CCNY: variants seen among roughly 807,000 people sequenced by gnomAD.
CCNY encodes the protein cyclin Y, also known as cyclin-Y.
Under a neutral mutation model 42.8 loss-of-function variants are expected in CCNY, and 19 were observed. The observed-to-expected ratio is 0.44, with a 90% confidence interval of 0.31 to 0.65. CCNY has a LOEUF of 0.65. Ranked by LOEUF, CCNY falls within the 30% of genes least tolerant of loss-of-function variation. CCNY has a pLI of 0.07. For missense variants in CCNY, 370 were observed against 437.3 expected, an observed-to-expected ratio of 0.85 and a Z score of 1.37; for synonymous variants, 165 against 162.7, an observed-to-expected ratio of 1.01 and a Z score of -0.11.
At chr10:35,267,918 T>C (rs1471865505) in intron 3 of CCNY, among the ~76,000 whole-genome samples, 1 of 152,124 alleles carries the variant, frequency 6.6e-6, no homozygotes, top group Non-Finnish European at 1.5e-5. Flanking sequence ...ATACTTCAGT[T>C]CTTATCTTCT....
Position 35,516,526 on chromosome 10 carries a change from C to A in CCNY, c.268C>A (p.Pro90Thr), listed in dbSNP as rs935527733. The change falls in exon 4 of 10, where the codon CCT becomes ACT. Residue 90 changes from proline (P) to threonine (T), a missense_variant. Transcript: ENST00000374704. Reference sequence around the variant, plus strand: ...TCTTCTTGCTGTTGTTTTCTAGCATCCTCCAGGACAAATAGCAAGGAAATA... The same window carrying A: ...TCTTCTTGCTGTTGTTTTCTAGCATACTCCAGGACAAATAGCAAGGAAATA... ...KRKSLFINHHPPGQIARKYSS... is the reference protein window; with the variant it reads ...KRKSLFINHHTPGQIARKYSS... 1 of 1,610,948 alleles carries A rather than the reference C, an allele frequency of 6.2e-7. No homozygotes were observed. Among genetic ancestry groups the A allele is most frequent in the East Asian group, 2.2e-5 (1 of 44,846 alleles).
chr10:35,495,579 T>C (rs1839988291), intron 2 of CCNY, among the ~76,000 whole-genome samples: 1 of 152,248 alleles, frequency 6.6e-6, no homozygotes, highest in Non-Finnish European at 1.5e-5. Context: ...GATTTCACTT[T>C]GAATGCACAG....
At position 35,337,173 on chromosome 10, in the gene CCNY, C is replaced by T. The variant is rs1261920079; in HGVS notation, c.120C>T (p.Asn40=). 3 of 1,572,588 alleles carry T rather than the reference C, an allele frequency of 1.9e-6. No homozygotes were observed. Among genetic ancestry groups the T allele is most frequent in the South Asian group, 2.3e-5 (2 of 85,510 alleles). The change falls in exon 1 of 10, where the codon AAC becomes AAT. Residue 40 remains asparagine, a synonymous_variant. Coordinates refer to ENST00000374704, the MANE Select transcript of CCNY (RefSeq NM_145012.6). ...TDLSREDTGC[N]LQHISDRENI... ...TGAGCCGCGAGGACACGGGCTGCAACCTGCAGCACATCAGCGACCGGGAGA... is the reference window on the plus strand; with the variant it reads ...TGAGCCGCGAGGACACGGGCTGCAATCTGCAGCACATCAGCGACCGGGAGA...
At chr10:35,353,893 A>G (rs1836482521) in intron 1 of CCNY, among the ~76,000 whole-genome samples, 1 of 152,218 alleles carries the variant, frequency 6.6e-6, no homozygotes, top group Admixed American at 6.5e-5. Context: ...AGTTTTTGTG[A>G]GTCAGGACTC....
At chr10:35,391,828 C>T (rs930856311) in intron 1 of CCNY, among the ~76,000 whole-genome samples, 7 of 152,070 alleles carry the variant, frequency 4.6e-5, no homozygotes, top group African/African-American at 1.4e-4. Flanking sequence ...CTGTTATCCC[C>T]CTCCTACTCC....
intron 1 of CCNY, among the ~76,000 whole-genome samples, chr10:35,368,043 A>G (rs1383045759): frequency 6.6e-6 from 1 of 152,222 alleles, no homozygotes. Context: ...ATGCTAGGAA[A>G]CTTTTGAAAG....
rs142136949 is a variant in CCNY, at chr10:35,563,360, T to C, written c.747-2663T>C. ...AGCTTCCTCTTGACTTTGCTCGTAG[T>C]GTCTGCCTCCATCTGGAACCATGGT... On this transcript the variant is annotated intron_variant, in intron 8 of 9. Coordinates refer to ENST00000374704, the MANE Select transcript of CCNY (RefSeq NM_145012.6). Among the ~76,000 whole-genome samples, 5 of 152,328 alleles carry C rather than the reference T, an allele frequency of 3.3e-5. No homozygotes were observed. The East Asian group carries it at 5.8e-4, about 18-fold the overall frequency.
intron 1 of CCNY, among the ~76,000 whole-genome samples, chr10:35,408,838 G>GT (rs1481531300): frequency 2.0e-5 from 3 of 152,062 alleles, no homozygotes; most frequent in African/African-American, 7.2e-5. Context: ...TGAAGATGGG[G>GT]TAAGCAGAGG....
At chr10:35,395,903 T>G (rs1837514429) in intron 1 of CCNY, among the ~76,000 whole-genome samples, 1 of 152,064 alleles carries the variant, frequency 6.6e-6, no homozygotes, top group South Asian at 2.1e-4. Flanking sequence ...ACTCACCCTT[T>G]GCGGAGGTTT....
At chr10:35,566,500 C>G in intron 9 of CCNY, among the ~76,000 whole-genome samples, 1 of 152,140 alleles carries the variant, frequency 6.6e-6, no homozygotes, top group East Asian at 1.9e-4. Flanking sequence ...TGCCACCACA[C>G]CCGGTTGATT....
intron 3 of CCNY, among the ~76,000 whole-genome samples, chr10:35,288,249 T>C (rs1835376648): frequency 6.6e-6 from 1 of 152,168 alleles, no homozygotes; most frequent in South Asian, 2.1e-4. Flanking sequence ...AACACATATA[T>C]GTTCTCTAAA....
chr10:35,524,342 G>C (rs1564445565), intron 4 of CCNY, among the ~76,000 whole-genome samples: 1 of 152,320 alleles, frequency 6.6e-6, no homozygotes, highest in East Asian at 1.9e-4. Context: ...GGATGTATTA[G>C]CACTTATTTG....
chr10:35,277,375 C>T (rs1056263732), intron 3 of CCNY, among the ~76,000 whole-genome samples: 3 of 152,200 alleles, frequency 2.0e-5, no homozygotes, highest in Non-Finnish European at 4.4e-5. Context: ...ATTCCCATCT[C>T]AAGTCTCAGG....
chr10:35,404,793 G>A (rs1012958111), intron 1 of CCNY, among the ~76,000 whole-genome samples: 2 of 152,180 alleles, frequency 1.3e-5, no homozygotes, highest in African/African-American at 4.8e-5. Flanking sequence ...TTTTAATGAA[G>A]AAATATGTCA....
chr10:35,381,457 G>C (rs995184226), intron 1 of CCNY, among the ~76,000 whole-genome samples: 1 of 152,030 alleles, frequency 6.6e-6, no homozygotes, highest in East Asian at 1.9e-4. Context: ...GCTACTGGAG[G>C]GGGTGGGCTG....
At chr10:35,366,123 C>A (rs1020622155) in intron 1 of CCNY, among the ~76,000 whole-genome samples, 2 of 152,180 alleles carry the variant, frequency 1.3e-5, no homozygotes, top group African/African-American at 4.8e-5. Flanking sequence ...ACGACAGATA[C>A]CAATTTGCAA....
intron 2 of CCNY, among the ~76,000 whole-genome samples, chr10:35,483,849 C>T (rs1475265534): frequency 6.6e-6 from 1 of 152,122 alleles, no homozygotes; most frequent in Non-Finnish European, 1.5e-5. Context: ...AAATATAATC[C>T]TTAAATAAAA....
intron 3 of CCNY, among the ~76,000 whole-genome samples, chr10:35,508,296 A>G (rs961942127): frequency 6.6e-6 from 1 of 152,094 alleles, no homozygotes; most frequent in African/African-American, 2.4e-5. Context: ...CTGCTTTTCT[A>G]ATGATACCTA....
chr10:35,489,502 A>G (rs554563745), intron 2 of CCNY, among the ~76,000 whole-genome samples: 2 of 152,168 alleles, frequency 1.3e-5, no homozygotes, highest in Non-Finnish European at 2.9e-5. Flanking sequence ...GGGTTTCACC[A>G]TGTTAGCCAG....
Sources: allele counts gnomAD v4.1 joint callset (sites outside exome capture counted in the v4.1 genomes callset), GRCh38; gene constraint gnomAD v4.1.1; transcripts MANE v1.5; gene names NCBI Gene and HGNC (gene_info 2026-07-23, HGNC 2026-07-21).